Variants in TSHR observed in about 807,000 individuals in gnomAD.
The protein encoded by TSHR is thyroid stimulating hormone receptor, also known as thyrotropin receptor.
Under a neutral mutation model 64.1 loss-of-function variants are expected in TSHR, and 51 were observed. The observed-to-expected ratio is 0.80, with a 90% CI of 0.64 to 1.01. TSHR has a LOEUF of 1.01. TSHR is among the 50% of genes least tolerant of loss of function. The pLI, the probability that TSHR is intolerant of heterozygous loss-of-function variation, is 0.00. For synonymous variants in TSHR, 361 were observed against 361.9 expected (o/e 1.00, Z 0.03); for missense variants, 877 against 942.8 (o/e 0.93, Z 0.91).
chr14:81,072,857 C>A (rs1208977414), intron 3 of TSHR, among the ~76,000 whole-genome samples: 1 of 138,362 alleles, frequency 7.2e-6, no homozygotes, highest in Non-Finnish European at 1.5e-5. Flanking sequence ...ATTAGCCGGG[C>A]GTAGTGGCGG....
At chr14:81,057,701 T>C (rs1052931835) in intron 1 of TSHR, among the ~76,000 whole-genome samples, 7 of 152,130 alleles carry the variant, frequency 4.6e-5, no homozygotes, top group African/African-American at 1.7e-4. Context: ...GAAGATGACA[T>C]TGATATTATA....
chr14:81,064,052 T>G (rs1239916602), intron 2 of TSHR, among the ~76,000 whole-genome samples: 5 of 152,076 alleles, frequency 3.3e-5, no homozygotes, highest in Non-Finnish European at 7.4e-5. Flanking sequence ...GTGAAGGAGT[T>G]TAAAATCTTC....
Position 81,143,939 on chromosome 14 carries a change from T to G in TSHR, c.1881T>G (p.Ala627=). The change falls in exon 10 of 10, where the codon GCT becomes GCG. Residue 627 remains alanine, a synonymous_variant. Coordinates refer to ENST00000298171, the MANE Select transcript of TSHR (RefSeq NM_000369.5). ...ATACCAAAATTGCCAAGAGGATGGC[T>G]GTGTTGATCTTCACCGACTTCATAT... ...DKDTKIAKRM[A]VLIFTDFICM... The G allele has an allele frequency of 1.9e-6, 3 of 1,614,214 alleles. No individual in the cohort carries two copies. The highest frequency in any genetic ancestry group is 1.7e-6 in the Non-Finnish European group (2 of 1,180,038).
intron 8 of TSHR, among the ~76,000 whole-genome samples, chr14:81,121,029 A>G (rs2140064268): frequency 6.6e-6 from 1 of 152,302 alleles, no homozygotes; most frequent in South Asian, 2.1e-4. Flanking sequence ...AAACATGAAC[A>G]TTAGAAATTC....
intron 1 of TSHR, among the ~76,000 whole-genome samples, chr14:81,034,825 C>T (rs992900188): frequency 2.6e-5 from 4 of 152,108 alleles, no homozygotes; most frequent in Non-Finnish European, 5.9e-5. Context: ...TGCCTTTTTG[C>T]AATTTCTATT....
intron 7 of TSHR, among the ~76,000 whole-genome samples, chr14:81,108,149 A>C (rs547526327): frequency 6.6e-6 from 1 of 152,198 alleles, no homozygotes; most frequent in East Asian, 1.9e-4. Context: ...GATCATAAAC[A>C]TGCTCATTTT....
At chr14:81,002,278 A>G (rs1889363478) in intron 1 of TSHR, among the ~76,000 whole-genome samples, 1 of 152,060 alleles carries the variant, frequency 6.6e-6, no homozygotes, top group African/African-American at 2.4e-5. Flanking sequence ...CTGTTTTCCT[A>G]CATCTTTCTC....
chr14:81,012,660 G>A (rs895035154), intron 1 of TSHR: 6 of 152,146 alleles, frequency 3.9e-5, no homozygotes, highest in African/African-American at 1.4e-4. Flanking sequence ...GTATCTCATT[G>A]TGGTTTTGAT....
intron 1 of TSHR, among the ~76,000 whole-genome samples, chr14:80,985,311 AT>A (rs200602478): frequency 6.6e-6 from 1 of 152,106 alleles, no homozygotes; most frequent in African/African-American, 2.4e-5. Context: ...TCATGCCTTA[AT>A]TTTTTTTATC....
intron 1 of TSHR, chr14:81,053,633 C>T (rs1315763356): frequency 2.0e-5 from 3 of 152,160 alleles, no homozygotes; most frequent in Non-Finnish European, 2.9e-5. Flanking sequence ...GAACATGTTA[C>T]AATCACTTTG....
chr14:81,002,810 CTT>C (rs56340312), intron 1 of TSHR, among the ~76,000 whole-genome samples: 5 of 43,796 alleles, frequency 1.1e-4, no homozygotes, highest in African/African-American at 4.4e-4. Flanking sequence ...TTTTTTTTAT[CTT>C]TTTTTTTTTT....
In TSHR at chr14:81,087,951, C is replaced by T. The variant is rs748115168; in HGVS notation, c.318-3C>T. 4 of 1,608,746 alleles carry T rather than the reference C, an allele frequency of 2.5e-6. No individual in the cohort carries two copies. The highest frequency in any genetic ancestry group is 3.4e-6 in the Non-Finnish European group (4 of 1,175,200). ...GTGACTGTGTTCCTTGTAACTTATA[C>T]AGAGAAATTCGGAATACCAGGAACT... is the stretch of plus-strand genomic sequence containing the variant. On this transcript the variant is annotated splice_region_variant and splice_polypyrimidine_tract_variant and intron_variant, in intron 3 of 9. Transcript: ENST00000298171.
intron 1 of TSHR, among the ~76,000 whole-genome samples, chr14:81,048,981 A>G (rs1885304373): frequency 6.6e-6 from 1 of 152,166 alleles, no homozygotes; most frequent in Non-Finnish European, 1.5e-5. Flanking sequence ...GTGACCAGAA[A>G]TATGCCACAG....
intron 3 of TSHR, among the ~76,000 whole-genome samples, chr14:81,073,728 A>G (rs1887285856): frequency 6.6e-6 from 1 of 152,182 alleles, no homozygotes; most frequent in Non-Finnish European, 1.5e-5. Flanking sequence ...TTAGAAAAGA[A>G]GGTTAAAAAT....
Position 81,108,407 on chromosome 14 carries a change from T to C in TSHR, c.647T>C (p.Ile216Thr), listed in dbSNP as rs771936985. 1.5e-5 allele frequency: 25 copies of C among 1,613,832 alleles called. No individual in the cohort carries two copies. Among genetic ancestry groups the C allele is most frequent in the East Asian group, 6.7e-5 (3 of 44,856 alleles). The stretch of plus-strand genomic sequence containing the variant: ...AACAAGAATAAATACCTGACAGTTA[T>C]TGACAAAGATGCATTTGGAGGAGTA... ...YLNKNKYLTV[I>T]DKDAFGGVYS... Residue 216 changes from isoleucine (I) to threonine (T), a missense_variant, in exon 8 of 10, where the codon ATT (isoleucine) becomes ACT (threonine). Ile to Thr is a moderately conservative substitution (Grantham distance 89). Transcript: ENST00000298171.
rs1433610933 is a variant in TSHR, at chr14:81,144,227, G to A, written c.2169G>A (p.Lys723=). The part of the protein sequence containing the change: ...PKNSTDIQVQ[K]VTHEMRQGLH... ...ACAGCACTGATATTCAGGTTCAAAA[G>A]GTTACCCACGAGATGAGGCAGGGTC... Residue 723 remains lysine, a synonymous_variant, in exon 10 of 10, where the codon AAG becomes AAA. Coordinates refer to ENST00000298171, the MANE Select transcript of TSHR (RefSeq NM_000369.5). The A allele has an allele frequency of 6.2e-7, 1 of 1,613,368 alleles. No homozygotes were observed. Among genetic ancestry groups the A allele is most frequent in the Admixed American group, 1.7e-5 (1 of 59,958 alleles).
At chr14:81,078,338 C>A (rs1887645931) in intron 3 of TSHR, among the ~76,000 whole-genome samples, 2 of 151,958 alleles carry the variant, frequency 1.3e-5, no homozygotes, top group African/African-American at 4.8e-5. Flanking sequence ...TTGAAAATAT[C>A]CTTCAATGTC....
intron 1 of TSHR, among the ~76,000 whole-genome samples, chr14:80,988,940 C>T (rs991332192): frequency 1.3e-5 from 2 of 152,190 alleles, no homozygotes; most frequent in African/African-American, 4.8e-5. Context: ...GAGTCACTCA[C>T]AGAATATACT....
chr14:81,122,638 T>C (rs890942748), intron 8 of TSHR, among the ~76,000 whole-genome samples: 7 of 152,098 alleles, frequency 4.6e-5, no homozygotes, highest in Non-Finnish European at 1.0e-4. Context: ...CCTCATCTTC[T>C]ATAGTAGAGA....
Sources: gnomAD v4.1 joint callset for allele counts (sites outside exome capture counted in the v4.1 genomes callset) on GRCh38, gnomAD v4.1.1 for gene constraint, MANE v1.5 for transcripts, NCBI Gene and HGNC (gene_info 2026-07-23, HGNC 2026-07-21) for gene names.